The following CBLN2 variants were observed in gnomAD, a reference collection of about 807,000 sequenced individuals.
CBLN2 encodes the protein cerebellin 2 precursor.
Under a neutral mutation model 15.0 loss-of-function variants are expected in CBLN2, and 7 were observed. That is an observed-to-expected ratio of 0.47 (90% CI 0.27 to 0.88). The LOEUF (loss-of-function observed/expected upper bound fraction) is 0.88. Ranked by LOEUF, CBLN2 falls within the 40% of genes least tolerant of loss-of-function variation. CBLN2 has a pLI of 0.14. For missense variants in CBLN2, 242 were observed against 304.5 expected (o/e 0.79, Z 1.53); for synonymous variants, 149 against 135.2 (o/e 1.10, Z -0.71).
intron 2 of CBLN2, chr18:72,542,893 TA>T (rs2069127766): frequency 6.7e-6 from 1 of 149,198 alleles, no homozygotes; most frequent in Non-Finnish European, 1.4e-5. Context: ...ATAAGATTAC[TA>T]GGGGGGAAAT....
chr18:72,598,829 G>A (rs951938151), intron 1 of CBLN2, among the ~76,000 whole-genome samples: 9 of 152,136 alleles, frequency 5.9e-5, no homozygotes, highest in African/African-American at 1.9e-4. Context: ...CACTGATATA[G>A]GGCAGCACTG....
intron 1 of CBLN2, among the ~76,000 whole-genome samples, chr18:72,588,438 G>A (rs1415935077): frequency 6.6e-6 from 1 of 152,096 alleles, no homozygotes; most frequent in African/African-American, 2.4e-5. Context: ...GTGGCATTTC[G>A]TACATTCACA....
chr18:72,557,169 C>T (rs1336238068), intron 1 of CBLN2, among the ~76,000 whole-genome samples: 2 of 151,702 alleles, frequency 1.3e-5, no homozygotes, highest in Non-Finnish European at 2.9e-5. Context: ...ATTTAATTTG[C>T]TTTAATTTGA....
At chr18:72,575,598 C>T (rs906318345) in intron 1 of CBLN2, among the ~76,000 whole-genome samples, 1 of 152,052 alleles carries the variant, frequency 6.6e-6, no homozygotes, top group African/African-American at 2.4e-5. Context: ...AAAGAAGAGC[C>T]CCTGTTTCAG....
At chr18:72,573,990 T>C (rs2069348494) in intron 1 of CBLN2, among the ~76,000 whole-genome samples, 1 of 152,194 alleles carries the variant, frequency 6.6e-6, no homozygotes, top group African/African-American at 2.4e-5. Flanking sequence ...TATAAGTGTG[T>C]AGTAGCATCT....
Position 72,570,305 on chromosome 18 carries a change from G to A in CBLN2, c.16-31533C>T, listed in dbSNP as rs374403123. On this transcript the variant is annotated intron_variant, in intron 1 of 2. Transcript: ENST00000581073. The stretch of plus-strand genomic sequence containing the variant: ...TGGTTTTTTTTTTTTTTTTTTTCCC[G>A]CGGCTTACTGCAGTCTTTACCTCCT... Among the ~76,000 whole-genome samples, 114 of 130,234 alleles carry A rather than the reference G, an allele frequency of 8.8e-4. 1 individual carries two copies. The Middle Eastern group carries it at 0.024, about 27-fold the overall frequency. The allele number at this position is 130,234 out of a possible 152,430, so 85.4% of individuals were successfully genotyped here.
At chr18:72,573,395 A>G (rs756751317) in intron 1 of CBLN2, among the ~76,000 whole-genome samples, 8 of 152,198 alleles carry the variant, frequency 5.3e-5, no homozygotes, top group Non-Finnish European at 8.8e-5. Flanking sequence ...GAATAGTTCC[A>G]TTTCCCTGTA....
At position 72,561,953 on chromosome 18, in the gene CBLN2, A is replaced by AAG; in HGVS notation, c.16-23183_16-23182dup. On this transcript the variant is annotated intron_variant, in intron 1 of 2. Coordinates refer to the CBLN2 transcript ENST00000581073. ...AACTTTGGCAGGTGGTCTATGTGAT[A>AAG]AGTCACCTTATCATTTAACAGAATC... Among the ~76,000 whole-genome samples the AAG allele has an allele frequency of 1.3e-5, 2 of 152,324 alleles. 1 individual carries two copies. The highest frequency in any genetic ancestry group is 4.1e-4 in the South Asian group (2 of 4,832).
chr18:72,566,913 CT>C (rs1457159950), intron 1 of CBLN2, among the ~76,000 whole-genome samples: 2 of 152,064 alleles, frequency 1.3e-5, no homozygotes, highest in Non-Finnish European at 2.9e-5. Flanking sequence ...CAGCTTCCAC[CT>C]TCTGGCTCAA....
chr18:72,586,144 G>A (rs996472691), intron 1 of CBLN2, among the ~76,000 whole-genome samples: 6 of 152,164 alleles, frequency 3.9e-5, no homozygotes, highest in South Asian at 4.2e-4. Context: ...CTGGCTCCCC[G>A]CTTGCTCCCT....
At chr18:72,542,909 C>CAACA (rs1246258041) in intron 2 of CBLN2, 2 of 131,652 alleles carry the variant, frequency 1.5e-5, no homozygotes, top group East Asian at 4.8e-4. Flanking sequence ...GGAAATGACA[C>CAACA]CACACACACA....
intron 1 of CBLN2, among the ~76,000 whole-genome samples, chr18:72,572,280 A>T (rs763586443): frequency 3.3e-5 from 5 of 152,178 alleles, no homozygotes; most frequent in Admixed American, 1.3e-4. Context: ...TTTTTACAAA[A>T]GAGTTTTATG....
At chr18:72,626,354 G>C (rs1362445806) in intron 1 of CBLN2, among the ~76,000 whole-genome samples, 1 of 152,058 alleles carries the variant, frequency 6.6e-6, no homozygotes, top group African/African-American at 2.4e-5. Flanking sequence ...AGACAGGTTA[G>C]TTTGGAGTTC....
intron 1 of CBLN2, among the ~76,000 whole-genome samples, chr18:72,630,844 C>G (rs1036115018): frequency 6.6e-6 from 1 of 152,112 alleles, no homozygotes; most frequent in Non-Finnish European, 1.5e-5. Flanking sequence ...TTTACTCAAA[C>G]ACATAATAAT....
In CBLN2 at chr18:72,632,789, T is replaced by C. The variant is rs573043829; in HGVS notation, c.15+5536A>G. Among the ~76,000 whole-genome samples the C allele has an allele frequency of 1.3e-4, 20 of 152,308 alleles. No individual in the cohort carries two copies. In the South Asian group the frequency reaches 3.9e-3, roughly 30 times the overall value. On this transcript the variant is annotated intron_variant, in intron 1 of 2. Transcript: ENST00000581073. Reference sequence around the variant, plus strand: ...GACCACTAGGTTACTTCAAACTCTCTTTGCCCATGCAGATCAAGAGCACTG... The same window carrying C: ...GACCACTAGGTTACTTCAAACTCTCCTTGCCCATGCAGATCAAGAGCACTG...
At chr18:72,623,505 C>T (rs2069714636) in intron 1 of CBLN2, among the ~76,000 whole-genome samples, 2 of 152,118 alleles carry the variant, frequency 1.3e-5, no homozygotes. Flanking sequence ...TAAAACCGAG[C>T]TGTCCGTATC....
rs930478119 is a variant in CBLN2 at position 72,592,277 on chromosome 18, C to T, written c.15+46048G>A. 3.3e-5 allele frequency among the ~76,000 whole-genome samples: 5 copies of T among 151,944 alleles called. No homozygotes were observed. The East Asian group carries it at 9.6e-4, about 29-fold the overall frequency. On this transcript the variant is annotated intron_variant, in intron 1 of 2. Transcript: ENST00000581073. ...TGATGTTGAGCAACTTTTCCTATAA[C>T]TGTTTGCCATCTGTATGTCTTTTTT...
intron 1 of CBLN2, among the ~76,000 whole-genome samples, chr18:72,575,633 T>C (rs1013715795): frequency 2.0e-5 from 3 of 152,014 alleles, no homozygotes; most frequent in Admixed American, 6.5e-5. Context: ...AGCCGGGCCC[T>C]CAGGAGGCGA....
intron 1 of CBLN2, among the ~76,000 whole-genome samples, chr18:72,583,634 A>G (rs2069422087): frequency 6.6e-6 from 1 of 152,220 alleles, no homozygotes; most frequent in Admixed American, 6.5e-5. Flanking sequence ...TATATATACC[A>G]GAAGCTTTAA....
Sources: gnomAD v4.1 joint callset for allele counts (sites outside exome capture counted in the v4.1 genomes callset) on GRCh38, gnomAD v4.1.1 for gene constraint, MANE v1.5 for transcripts, NCBI Gene and HGNC (gene_info 2026-07-23, HGNC 2026-07-21) for gene names.